The following ASH2L variants were observed in gnomAD, a reference collection of about 807,000 sequenced individuals.
ASH2L encodes the protein set1/Ash2 histone methyltransferase complex subunit ASH2.
In ASH2L, 30 loss-of-function variants were observed where a neutral mutation model predicts 81.1. That is an observed-to-expected ratio of 0.37 (90% CI 0.28 to 0.50). The LOEUF (loss-of-function observed/expected upper bound fraction) is 0.50. Among genes scored for constraint, ASH2L ranks in the 20% least tolerant of loss-of-function variants. ASH2L has a pLI of 0.95. For synonymous variants in ASH2L, 273 were observed against 279.9 expected, an observed-to-expected ratio of 0.98 and a Z score of 0.24; for missense variants, 559 against 792.1, an observed-to-expected ratio of 0.71 and a Z score of 3.53.
At position 38,106,461 on chromosome 8, in the gene ASH2L, G is replaced by GT. The variant is rs774071438; in HGVS notation, c.255+20dup. The GT allele has an allele frequency of 5.1e-6, 8 of 1,577,502 alleles. No homozygotes were observed. Among genetic ancestry groups the GT allele is most frequent in the African/African-American group, 1.4e-5 (1 of 73,508 alleles). On this transcript the variant is annotated intron_variant, in intron 2 of 15. Transcript: ENST00000343823. ...GATACACTAGTAAGTATTTTTAGTT[G>GT]TTTGCAAGACAAAATAGGGTTTGTT...
chr8:38,114,615 C>T, intron 6 of ASH2L: 1 of 393,100 alleles, frequency 2.5e-6, no homozygotes, highest in Non-Finnish European at 4.5e-6. Context: ...CAATATTGTC[C>T]TTAAAATTAA....
intron 8 of ASH2L, 110 bp downstream of exon 8, chr8:38,116,835 T>C (rs950212691): frequency 4.1e-5 from 37 of 900,002 alleles, no homozygotes; most frequent in Non-Finnish European, 4.8e-5. Flanking sequence ...CTTACTAAAA[T>C]GCTTTTATAG....
chr8:38,117,599 T>C (rs953461586), intron 8 of ASH2L: 1 of 329,142 alleles, frequency 3.0e-6, no homozygotes, highest in African/African-American at 2.2e-5. Flanking sequence ...ATGGCGGCAA[T>C]AGCACTTAAT....
At chr8:38,109,799 T>C (rs961150503) in intron 3 of ASH2L, among the ~76,000 whole-genome samples, 3 of 152,194 alleles carry the variant, frequency 2.0e-5, no homozygotes, top group Non-Finnish European at 4.4e-5. Context: ...AACCACATTA[T>C]TGACACCATA....
intron 4 of ASH2L, 115 bp downstream of exon 4, chr8:38,110,582 G>C (rs1030109001): frequency 2.5e-6 from 3 of 1,182,206 alleles, no homozygotes; most frequent in African/African-American, 1.5e-5. Context: ...TTCAGTTGGG[G>C]TTTAGCTCTG....
intron 4 of ASH2L, 50 bp downstream of exon 4, chr8:38,110,517 A>T (rs1810639074): frequency 1.3e-6 from 2 of 1,542,864 alleles, no homozygotes; most frequent in Non-Finnish European, 1.8e-6. Context: ...CTGGAAAAGA[A>T]AAGGGATCTG....
chr8:38,128,783 T>G lies in ASH2L; in HGVS notation c.1359T>G (p.Tyr453Ter). ...PLGNLQAPLG[Y>*]DKFSYSWRSK... ...GAAACCTTCAAGCTCCTTTAGGTTA[T>G]GATAAATTTAGCTATTCTTGGCGGA... The change falls in exon 12 of 16, where the codon TAT (tyrosine) becomes TAG (stop). Residue 453 changes from tyrosine to a stop codon, truncating the protein, a stop_gained. Transcript: ENST00000343823. LOFTEE classifies it high-confidence loss of function. 1 of 1,613,950 alleles carries G rather than the reference T, an allele frequency of 6.2e-7. No homozygotes were observed. Among genetic ancestry groups the G allele is most frequent in the Non-Finnish European group, 8.5e-7 (1 of 1,179,988 alleles).
At chr8:38,123,765 T>C (rs922424666) in intron 10 of ASH2L, among the ~76,000 whole-genome samples, 1 of 152,234 alleles carries the variant, frequency 6.6e-6, no homozygotes, top group African/African-American at 2.4e-5. Flanking sequence ...CACTCTAGTT[T>C]CTAGTTTATC....
chr8:38,136,772 CAAAA>C (rs77626059), intron 14 of ASH2L, among the ~76,000 whole-genome samples: 1 of 119,080 alleles, frequency 8.4e-6, no homozygotes, highest in African/African-American at 3.1e-5. Flanking sequence ...GACTCTGTGT[CAAAA>C]AAAAAAAAAA....
At position 38,105,539 on chromosome 8, in the gene ASH2L, G is replaced by T; in HGVS notation, c.-12G>T. ...AGAGAGTATTCTCGCGAGAAGTCCA[G>T]GGGTGGCCGTGATGGCGGCGGCAGG... On this transcript the variant is annotated 5_prime_UTR_variant, in exon 1 of 16. In the 5' UTR this introduces an upstream ATG that the reference lacks. Transcript: ENST00000343823. The T allele has an allele frequency of 6.4e-7, 1 of 1,553,582 alleles. No individual in the cohort carries two copies. The highest frequency in any genetic ancestry group is 8.7e-7 in the Non-Finnish European group (1 of 1,148,238).
intron 1 of ASH2L, 192 bp from the exon 2 acceptor site, chr8:38,106,186 G>A (rs1343569045): frequency 2.0e-6 from 3 of 1,503,348 alleles, no homozygotes; most frequent in Non-Finnish European, 2.7e-6. Context: ...TGCTCCGTGG[G>A]TCCGCGACTG....
In ASH2L at chr8:38,115,012, T is replaced by G; in HGVS notation, c.777+12T>G. On this transcript the variant is annotated intron_variant, in intron 7 of 15. Coordinates refer to ENST00000343823, the MANE Select transcript of ASH2L (RefSeq NM_004674.5). ...GACTTTTGGATCAGGTACATTAATA[T>G]GTTTTACATTTTCTTTTTGATTTTA... 1 of 1,543,248 alleles carries G rather than the reference T, an allele frequency of 6.5e-7. No homozygotes were observed. The highest frequency in any genetic ancestry group is 9.0e-7 in the Non-Finnish European group (1 of 1,116,096).
intron 1 of ASH2L, 137 bp downstream of exon 1, chr8:38,105,875 C>G (rs939590512): frequency 4.2e-6 from 6 of 1,440,300 alleles, no homozygotes; most frequent in Non-Finnish European, 5.4e-6. Context: ...CTCTGCGCCG[C>G]TTGGCCCGTC....
At chr8:38,123,943 C>G (rs937508812) in intron 10 of ASH2L, 3 of 152,032 alleles carry the variant, frequency 2.0e-5, no homozygotes, top group Non-Finnish European at 2.9e-5. Context: ...CTGGCTCAAG[C>G]AATTCTCATG....
chr8:38,126,353 G>A (rs1215851044), intron 10 of ASH2L, among the ~76,000 whole-genome samples: 7 of 152,258 alleles, frequency 4.6e-5, no homozygotes, highest in African/African-American at 1.7e-4. Flanking sequence ...TGACAACTAA[G>A]TGAAATGTGG....
rs1445094142 is a variant in ASH2L at position 38,105,572 on chromosome 8, C to T, written c.22C>T (p.Pro8Ser). ...CGTGATGGCGGCGGCAGGAGCAGGA[C>T]CTGGCCAGGAAGCGGGTGCCGGGCC... MAAAGAG[P>S]GQEAGAGPGP... The change falls in exon 1 of 16, where the codon CCT (proline) becomes TCT (serine). Residue 8 changes from proline to serine, a missense_variant. Pro to Ser is a moderately conservative substitution (Grantham distance 74, BLOSUM62 -1). Transcript: ENST00000343823. 5 of 1,581,668 alleles carry T rather than the reference C, an allele frequency of 3.2e-6. No homozygotes were observed. The highest frequency in any genetic ancestry group is 3.4e-6 in the Non-Finnish European group (4 of 1,162,720).
chr8:38,126,217 A>G (rs1269851176), intron 10 of ASH2L, among the ~76,000 whole-genome samples: 1 of 151,808 alleles, frequency 6.6e-6, no homozygotes, highest in African/African-American at 2.4e-5. Context: ...AAAAAAAAAC[A>G]AAAGAAAACA....
At chr8:38,119,781 C>G (rs1003548573) in intron 9 of ASH2L, among the ~76,000 whole-genome samples, 1 of 151,436 alleles carries the variant, frequency 6.6e-6, no homozygotes, top group Non-Finnish European at 1.5e-5. Context: ...CCATCCTGGG[C>G]AACAGAATGA....
At chr8:38,134,735 C>T (rs1047069259) in intron 13 of ASH2L, among the ~76,000 whole-genome samples, 2 of 151,832 alleles carry the variant, frequency 1.3e-5, no homozygotes, top group Non-Finnish European at 2.9e-5. Flanking sequence ...AATAAAGAAA[C>T]GAGTTTCAGC....
Sources: allele counts gnomAD v4.1 joint callset (sites outside exome capture counted in the v4.1 genomes callset), GRCh38; gene constraint gnomAD v4.1.1; transcripts MANE v1.5; gene names NCBI Gene and HGNC (gene_info 2026-07-23, HGNC 2026-07-21).